Variants in DNAAF19 observed in about 807,000 individuals in gnomAD.
The protein encoded by DNAAF19 is coiled-coil domain containing 103.
At chr17:44,901,907 CT>C in the DNAAF19 span, among the ~76,000 whole-genome samples, 1 of 152,060 alleles carries the variant, frequency 6.6e-6, no homozygotes, top group Non-Finnish European at 1.5e-5. Flanking sequence ...TCCCTTAGTC[CT>C]TTGACTTTCA....
At chr17:44,905,059 C>T in the DNAAF19 span, 2 of 1,541,488 alleles carry the variant, frequency 1.3e-6, no homozygotes, top group African/African-American at 1.4e-5. Flanking sequence ...GTTGTCCCAG[C>T]TTCTCCCCCT....
At chr17:44,903,735 C>G in the DNAAF19 span, 3 of 1,453,972 alleles carry the variant, frequency 2.1e-6, no homozygotes, top group South Asian at 1.5e-5. Context: ...CTTTCCTCAT[C>G]TAGAGGCTTC....
the DNAAF19 span, chr17:44,904,684 C>G: frequency 1.0e-5 from 16 of 1,550,490 alleles, no homozygotes; most frequent in Non-Finnish European, 1.4e-5. Flanking sequence ...GCCATGGACT[C>G]ATCATCTCCT....
At chr17:44,901,399 GTTA>G in the DNAAF19 span, 12 of 1,231,284 alleles carry the variant, frequency 9.7e-6, no homozygotes, top group African/African-American at 1.2e-4. Context: ...TATCGCTGTT[GTTA>G]TTATTATGGT....
chr17:44,902,900 A>T, the DNAAF19 span: 16 of 1,438,486 alleles, frequency 1.1e-5, no homozygotes, highest in African/African-American at 1.4e-5. Flanking sequence ...CAGGACCATA[A>T]TAAGAAACCC....
the DNAAF19 span, chr17:44,903,778 C>T: frequency 6.6e-7 from 1 of 1,506,404 alleles, no homozygotes; most frequent in African/African-American, 1.4e-5. Flanking sequence ...GCCCTATGAG[C>T]CTTTAATGCC....
chr17:44,902,376 C>G, the DNAAF19 span: 4 of 1,614,100 alleles, frequency 2.5e-6, no homozygotes, highest in African/African-American at 1.3e-5. Context: ...AGAAAGCCCC[C>G]CTCCAGCCCG....
chr17:44,903,510 C>G, the DNAAF19 span: 1 of 1,283,160 alleles, frequency 7.8e-7, no homozygotes, highest in Non-Finnish European at 9.8e-7. Context: ...CTCGGCCCGC[C>G]CTTCTCATTC....
chr17:44,901,652 G>T, the DNAAF19 span: 3 of 1,614,016 alleles, frequency 1.9e-6, no homozygotes, highest in South Asian at 1.1e-5. Context: ...AAATCTCCCC[G>T]GTAGGTGAGG....
chr17:44,902,341 C>T, the DNAAF19 span: 2 of 1,613,986 alleles, frequency 1.2e-6, no homozygotes, highest in African/African-American at 2.7e-5. Context: ...GCTCCTGACT[C>T]CCTTTCCTTC....
chr17:44,900,882 T>A, the DNAAF19 span: 1 of 1,043,740 alleles, frequency 9.6e-7, no homozygotes, highest in Non-Finnish European at 1.4e-6. Flanking sequence ...AGTGACATGA[T>A]GTCCAGAGTG....
chr17:44,901,705 C>A, the DNAAF19 span: 3 of 1,581,342 alleles, frequency 1.9e-6, no homozygotes, highest in Non-Finnish European at 2.6e-6. Context: ...CCTAAAGCTT[C>A]AATCCTGTTT....
the DNAAF19 span, chr17:44,903,921 C>A: frequency 6.4e-7 from 1 of 1,550,630 alleles, no homozygotes; most frequent in East Asian, 2.4e-5. Context: ...CAGAGGACCC[C>A]CTGCCCTGCT....
At chr17:44,904,838 C>T in the DNAAF19 span, 3 of 1,550,694 alleles carry the variant, frequency 1.9e-6, no homozygotes, top group Non-Finnish European at 2.6e-6. Flanking sequence ...CTTCACCCAG[C>T]TGGATGACCG....
chr17:44,902,388 GA>G, the DNAAF19 span: 1 of 1,614,234 alleles, frequency 6.2e-7, no homozygotes, highest in East Asian at 2.2e-5. Context: ...TCCAGCCCGA[GA>G]CGTCTGCTGA....
At chr17:44,904,981 C>T in the DNAAF19 span, 42 of 1,550,816 alleles carry the variant, frequency 2.7e-5, no homozygotes, top group Non-Finnish European at 3.6e-5. Flanking sequence ...CCCTGATAGG[C>T]TACCTGCTCA....
At chr17:44,902,420 G>C in the DNAAF19 span, 24 of 1,614,078 alleles carry the variant, frequency 1.5e-5, no homozygotes, top group African/African-American at 5.3e-5. Flanking sequence ...GATTGGCGAC[G>C]ACACTTGCCA....
the DNAAF19 span, chr17:44,901,559 G>T: frequency 6.2e-7 from 1 of 1,614,140 alleles, no homozygotes; most frequent in Non-Finnish European, 8.5e-7. Flanking sequence ...CACTGGAGCG[G>T]AAGGATAAGA....
chr17:44,900,640 A>G, the DNAAF19 span, among the ~76,000 whole-genome samples: 1 of 152,172 alleles, frequency 6.6e-6, no homozygotes. Flanking sequence ...GAACAATCCT[A>G]TGGGGGAAGA....
Sources: allele counts gnomAD v4.1 joint callset (sites outside exome capture counted in the v4.1 genomes callset), GRCh38; gene constraint gnomAD v4.1.1; transcripts MANE v1.5; gene names NCBI Gene and HGNC (gene_info 2026-07-23, HGNC 2026-07-21).